The following CNTNAP4 variants were observed in gnomAD, a reference collection of about 807,000 sequenced individuals.
The protein encoded by CNTNAP4 is contactin-associated protein-like 4.
In CNTNAP4, 98 loss-of-function variants were observed where a neutral mutation model predicts 148.4. The observed-to-expected ratio is 0.66, with a 90% CI of 0.56 to 0.78. CNTNAP4 has a LOEUF of 0.78. Among genes scored for constraint, CNTNAP4 ranks in the 30% least tolerant of loss-of-function variants. The pLI is 0.00. For synonymous variants in CNTNAP4, 730 were observed against 565.1 expected (o/e 1.29, Z -4.14); for missense variants, 1,935 against 1,565.6 (o/e 1.24, Z -3.98).
intron 3 of CNTNAP4, among the ~76,000 whole-genome samples, chr16:76,408,251 A>G (rs7206066): frequency 0.36 from 54,027 of 151,222 alleles, 11,054 homozygotes; most frequent in Non-Finnish European, 0.44. Flanking sequence ...GTACCTCTGA[A>G]GTGTCTGTAC....
At chr16:76,428,985 G>A (rs2079520422) in intron 4 of CNTNAP4, among the ~76,000 whole-genome samples, 1 of 152,136 alleles carries the variant, frequency 6.6e-6, no homozygotes, top group South Asian at 2.1e-4. Context: ...TGGCAGAGCT[G>A]GGTTTGCAGC....
chr16:76,335,197 G>A (rs182298890), intron 2 of CNTNAP4, among the ~76,000 whole-genome samples: 41 of 152,230 alleles, frequency 2.7e-4, no homozygotes, highest in African/African-American at 9.9e-4. Flanking sequence ...CTTGTAAAAG[G>A]TGAGCACATA....
chr16:76,526,546 T>A (rs993046206), intron 17 of CNTNAP4, among the ~76,000 whole-genome samples: 5 of 152,190 alleles, frequency 3.3e-5, no homozygotes, highest in Admixed American at 3.3e-4. Flanking sequence ...GAAATTTAGA[T>A]GCACCCAACT....
chr16:76,490,582 C>G (rs764606034), intron 13 of CNTNAP4, among the ~76,000 whole-genome samples: 1 of 152,212 alleles, frequency 6.6e-6, no homozygotes, highest in East Asian at 1.9e-4. Flanking sequence ...AGCTTGTCAT[C>G]TCTTCACATC....
chr16:76,558,071 C>T (rs985553060), intron 23 of CNTNAP4: 1 of 153,404 alleles, frequency 6.5e-6, no homozygotes, highest in African/African-American at 2.4e-5. Context: ...AATTGAATAA[C>T]AATTTCATTA....
chr16:76,457,186 G>A (rs1484685778), intron 8 of CNTNAP4, among the ~76,000 whole-genome samples: 2 of 152,088 alleles, frequency 1.3e-5, no homozygotes, highest in Admixed American at 1.3e-4. Context: ...CTTGAAAAGG[G>A]CCAACCTATT....
chr16:76,553,858 C>T lies in CNTNAP4; in HGVS notation c.3684C>T (p.Asp1228=). Residue 1228 remains aspartate (D), a synonymous_variant, in exon 23 of 24, where the codon GAC becomes GAT. Coordinates refer to ENST00000611870, the MANE Select transcript of CNTNAP4 (RefSeq NM_033401.5). ...CAGATCATTCTGGAACAATAGATGA[C>T]AGAGAGCCCCTTGCTAATGCAATCA... is the stretch of plus-strand genomic sequence containing the variant. ...SFADHSGTID[D]REPLANAIKS... The T allele has an allele frequency of 3.1e-6, 5 of 1,612,000 alleles. No homozygotes were observed. The highest frequency in any genetic ancestry group is 4.2e-6 in the Non-Finnish European group (5 of 1,178,318).
At chr16:76,331,410 G>A (rs1017990005) in intron 2 of CNTNAP4, among the ~76,000 whole-genome samples, 1 of 151,498 alleles carries the variant, frequency 6.6e-6, no homozygotes, top group Non-Finnish European at 1.5e-5. Flanking sequence ...GGATGGTCTC[G>A]ATCTCCTGAC....
intron 3 of CNTNAP4, among the ~76,000 whole-genome samples, chr16:76,392,977 T>A (rs2078079128): frequency 6.6e-6 from 1 of 152,224 alleles, no homozygotes; most frequent in African/African-American, 2.4e-5. Flanking sequence ...AGGTAGGTTC[T>A]TAGCATAATG....
intron 3 of CNTNAP4, among the ~76,000 whole-genome samples, chr16:76,392,369 A>G (rs770247497): frequency 3.9e-5 from 6 of 152,198 alleles, no homozygotes; most frequent in East Asian, 1.9e-4. Flanking sequence ...AGAAAAACCA[A>G]TATGAACTCC....
At chr16:76,377,311 T>C (rs919849064) in intron 3 of CNTNAP4, among the ~76,000 whole-genome samples, 1 of 152,148 alleles carries the variant, frequency 6.6e-6, no homozygotes. Flanking sequence ...TGTGTGGGTA[T>C]GGTAGCCTAG....
chr16:76,388,209 G>A (rs1187360769), intron 3 of CNTNAP4, among the ~76,000 whole-genome samples: 2 of 152,186 alleles, frequency 1.3e-5, no homozygotes, highest in African/African-American at 4.8e-5. Context: ...TACCCAAAGA[G>A]TTCATTACAG....
chr16:76,526,999 C>T (rs766393763), intron 17 of CNTNAP4, among the ~76,000 whole-genome samples: 1 of 152,090 alleles, frequency 6.6e-6, no homozygotes, highest in Non-Finnish European at 1.5e-5. Flanking sequence ...TTGGAGTTAG[C>T]TTTTCTTGTT....
chr16:76,444,857 T>C (rs1312085850), intron 4 of CNTNAP4, among the ~76,000 whole-genome samples: 1 of 152,124 alleles, frequency 6.6e-6, no homozygotes, highest in Non-Finnish European at 1.5e-5. Context: ...TATACTGAAC[T>C]TTTTTTCTCT....
rs145261019 is a variant in CNTNAP4, at chr16:76,324,309, C to A, written c.196+7786C>A. Among the ~76,000 whole-genome samples the A allele has an allele frequency of 5.3e-3, 804 of 152,282 alleles. 7 individuals are homozygous for A. Among genetic ancestry groups the A allele is most frequent in the African/African-American group, 0.018 (762 of 41,544 alleles). On this transcript the variant is annotated intron_variant, in intron 2 of 23. Transcript: ENST00000611870. The stretch of plus-strand genomic sequence containing the variant: ...CATTATCACTAATACATAAACATTT[C>A]TTTTAGTATCCATCTGATATTTTCA...
At chr16:76,426,215 T>G (rs1259205820) in intron 3 of CNTNAP4, among the ~76,000 whole-genome samples, 1 of 152,106 alleles carries the variant, frequency 6.6e-6, no homozygotes, top group Non-Finnish European at 1.5e-5. Flanking sequence ...CTTTTAAAAA[T>G]GTACTAGAAA....
At chr16:76,336,600 A>G (rs767620434) in intron 2 of CNTNAP4, among the ~76,000 whole-genome samples, 1 of 152,240 alleles carries the variant, frequency 6.6e-6, no homozygotes, top group Non-Finnish European at 1.5e-5. Flanking sequence ...CCAGGACTTC[A>G]TTATTTGTTG....
At chr16:76,482,172 C>T (rs1325537000) in intron 12 of CNTNAP4, among the ~76,000 whole-genome samples, 1 of 151,856 alleles carries the variant, frequency 6.6e-6, no homozygotes, top group East Asian at 1.9e-4. Flanking sequence ...TTATAAGATA[C>T]AATTTCAGTA....
intron 15 of CNTNAP4, among the ~76,000 whole-genome samples, chr16:76,505,079 C>T (rs1480376324): frequency 6.6e-6 from 1 of 152,158 alleles, no homozygotes; most frequent in African/African-American, 2.4e-5. Flanking sequence ...GTTAAACCCA[C>T]ATTTACCATA....
Sources: allele counts gnomAD v4.1 joint callset (sites outside exome capture counted in the v4.1 genomes callset), GRCh38; gene constraint gnomAD v4.1.1; transcripts MANE v1.5; gene names NCBI Gene and HGNC (gene_info 2026-07-23, HGNC 2026-07-21).